MYRFL: variants seen among roughly 807,000 people sequenced by gnomAD.
MYRFL encodes myelin regulatory factor like.
Under a neutral mutation model 109.4 loss-of-function variants are expected in MYRFL, and 88 were observed. The ratio of observed to expected loss-of-function variants is 0.80; its 90% CI spans 0.68 to 0.96. MYRFL has a LOEUF of 0.96. MYRFL is among the 40% of genes least tolerant of loss of function. The pLI is 0.00. For missense variants in MYRFL, 957 were observed against 954.9 expected, an observed-to-expected ratio of 1.00 and a Z score of -0.03; for synonymous variants, 324 against 320.9, an observed-to-expected ratio of 1.01 and a Z score of -0.10.
chr12:69,927,594 C>A, intron 14 of MYRFL, 91 bp from the exon 15 acceptor site: 1 of 906,430 alleles, frequency 1.1e-6, no homozygotes, highest in Non-Finnish European at 1.6e-6. Flanking sequence ...AAAAGAAAGT[C>A]ATATTGCTAT....
intron 12 of MYRFL, among the ~76,000 whole-genome samples, chr12:69,910,435 G>A (rs1270909039): frequency 6.6e-6 from 1 of 152,010 alleles, no homozygotes; most frequent in African/African-American, 2.4e-5. Context: ...AGGGTAAGTG[G>A]ATCTAGATAA....
At chr12:69,936,247 C>T (rs1955461299) in intron 17 of MYRFL, 36 bp from the exon 18 acceptor site, 1 of 1,535,514 alleles carries the variant, frequency 6.5e-7, no homozygotes, top group Admixed American at 2.0e-5. Flanking sequence ...ATTTTTGCAG[C>T]CCTCTTTCAT....
chr12:69,934,512 CA>C (rs1487329326), intron 16 of MYRFL, among the ~76,000 whole-genome samples: 1 of 152,158 alleles, frequency 6.6e-6, no homozygotes, highest in African/African-American at 2.4e-5. Flanking sequence ...GGCAAAGGGC[CA>C]ATGACACAGC....
At chr12:69,948,617 T>C (rs1955895876) in intron 19 of MYRFL, among the ~76,000 whole-genome samples, 1 of 152,224 alleles carries the variant, frequency 6.6e-6, no homozygotes, top group Non-Finnish European at 1.5e-5. Context: ...GCAAAACTAA[T>C]AGTAGAGACG....
chr12:69,925,226 C>G (rs1436330651), intron 13 of MYRFL, among the ~76,000 whole-genome samples: 1 of 152,176 alleles, frequency 6.6e-6, no homozygotes. Context: ...GTCTCAGACA[C>G]TGGAGAGTGC....
In MYRFL at chr12:69,938,484, CATA is replaced by C. The variant is rs372638059; in HGVS notation, c.2224+1855_2224+1857del. Among the ~76,000 whole-genome samples, 327 of 152,274 alleles carry C rather than the reference CATA, an allele frequency of 2.1e-3. 3 individuals carry two copies. The highest frequency in any genetic ancestry group is 7.4e-3 in the African/African-American group (306 of 41,556). ...ATCAAGGGAATATAGTCATGTGCCA[CATA>C]ATGATGTTTCAGTCAACAATGGACC... is the stretch of plus-strand genomic sequence containing the variant. On this transcript the variant is annotated intron_variant, in intron 19 of 24. Coordinates refer to ENST00000552032, the MANE Select transcript of MYRFL (RefSeq NM_182530.3).
chr12:69,933,756 C>CTCTA (rs752443772), intron 16 of MYRFL, among the ~76,000 whole-genome samples: 32 of 152,260 alleles, frequency 2.1e-4, no homozygotes, highest in African/African-American at 3.9e-4. Flanking sequence ...GAGTGTGAAC[C>CTCTA]TCTATCTTAG....
intron 11 of MYRFL, chr12:69,904,089 G>GC (rs900432531): frequency 2.5e-5 from 10 of 403,864 alleles, no homozygotes; most frequent in Non-Finnish European, 3.5e-5. Context: ...CATGTCATTG[G>GC]CCTCACAGGC....
At chr12:69,924,804 G>C (rs1955022966) in intron 13 of MYRFL, among the ~76,000 whole-genome samples, 1 of 152,068 alleles carries the variant, frequency 6.6e-6, no homozygotes, top group African/African-American at 2.4e-5. Flanking sequence ...TTTTTGGTAA[G>C]TTTTCTTGAA....
intron 19 of MYRFL, among the ~76,000 whole-genome samples, chr12:69,938,112 C>T (rs1955526864): frequency 6.6e-6 from 1 of 152,130 alleles, no homozygotes; most frequent in African/African-American, 2.4e-5. Context: ...TGGAGTAGAA[C>T]TAAAAACTTC....
intron 19 of MYRFL, among the ~76,000 whole-genome samples, chr12:69,946,239 G>A (rs1213010803): frequency 6.6e-6 from 1 of 152,086 alleles, no homozygotes; most frequent in African/African-American, 2.4e-5. Flanking sequence ...GTGCCAGGCT[G>A]TGTCCACCTA....
At chr12:69,859,366 A>G (rs1411126054) in intron 2 of MYRFL, among the ~76,000 whole-genome samples, 3 of 152,186 alleles carry the variant, frequency 2.0e-5, no homozygotes, top group Non-Finnish European at 4.4e-5. Context: ...GTTGGTTGAC[A>G]TTCTTGTTCA....
In MYRFL at chr12:69,927,760, C is replaced by T. The variant is rs1382807414; in HGVS notation, c.1830+12C>T. On this transcript the variant is annotated intron_variant, in intron 15 of 24. Coordinates refer to ENST00000552032, the MANE Select transcript of MYRFL (RefSeq NM_182530.3). ...AAAAAAACAACAAGGTAAATAGACA[C>T]ATTTACAATGAAAGGAAATGATGTT... 7.2e-6 allele frequency: 11 copies of T among 1,518,216 alleles called. No homozygotes were observed. The highest frequency in any genetic ancestry group is 8.8e-6 in the Non-Finnish European group (10 of 1,137,738). 94.0% of individuals were successfully genotyped at this position (1,518,216 alleles called of 1,614,324 possible).
intron 5 of MYRFL, among the ~76,000 whole-genome samples, chr12:69,882,724 C>T (rs1303849974): frequency 6.6e-6 from 1 of 152,212 alleles, no homozygotes; most frequent in Admixed American, 6.5e-5. Context: ...GTTCCTGGCC[C>T]TACTTGGTCT....
chr12:69,936,953 A>G (rs898155), intron 19 of MYRFL, among the ~76,000 whole-genome samples: 19,344 of 152,128 alleles, frequency 0.13, 1,819 homozygotes, highest in East Asian at 0.48. Flanking sequence ...TTTTGGGCTC[A>G]TTTAGAGTTT....
intron 1 of MYRFL, among the ~76,000 whole-genome samples, chr12:69,835,138 C>T (rs1378536979): frequency 2.6e-5 from 4 of 152,066 alleles, no homozygotes; most frequent in African/African-American, 4.8e-5. Context: ...TTAAAAGAAC[C>T]GGTTCTTGTA....
chr12:69,856,266 C>A (rs534934660), intron 2 of MYRFL, among the ~76,000 whole-genome samples: 2 of 152,210 alleles, frequency 1.3e-5, no homozygotes, highest in East Asian at 3.9e-4. Flanking sequence ...GAGAAAGATA[C>A]CTTTAAGTGA....
At chr12:69,889,264 C>T (rs923101582) in intron 6 of MYRFL, among the ~76,000 whole-genome samples, 8 of 151,744 alleles carry the variant, frequency 5.3e-5, no homozygotes, top group African/African-American at 1.2e-4. Context: ...GAAATCCTGC[C>T]GCATATTTTC....
chr12:69,844,322 AAG>A (rs552030218), intron 1 of MYRFL, among the ~76,000 whole-genome samples: 145 of 152,202 alleles, frequency 9.5e-4, no homozygotes, highest in Non-Finnish European at 1.9e-3. Flanking sequence ...GGGTGATCTA[AAG>A]CAGGTGACAC....
Sources: allele counts gnomAD v4.1 joint callset (sites outside exome capture counted in the v4.1 genomes callset), GRCh38; gene constraint gnomAD v4.1.1; transcripts MANE v1.5; gene names NCBI Gene and HGNC (gene_info 2026-07-23, HGNC 2026-07-21).